Variants in TMTC3 observed in about 807,000 individuals in gnomAD.
TMTC3 encodes the protein protein O-mannosyl-transferase TMTC3.
TMTC3 carries 52 observed loss-of-function variants against 92.2 expected under a neutral mutation model. That is an observed-to-expected ratio of 0.56 (90% CI 0.45 to 0.71). TMTC3 has a LOEUF of 0.71. TMTC3 is among the 30% of genes least tolerant of loss of function. TMTC3 has a pLI of 0.00. For synonymous variants in TMTC3, 339 were observed against 363.3 expected (o/e 0.93, Z 0.76); for missense variants, 896 against 1,057.1 (o/e 0.85, Z 2.11).
At chr12:88,179,109 T>G (rs1191552318) in intron 10 of TMTC3, among the ~76,000 whole-genome samples, 4 of 152,204 alleles carry the variant, frequency 2.6e-5, no homozygotes, top group Admixed American at 1.3e-4. Flanking sequence ...AGCCATGAGA[T>G]AGGAAAACAA....
At chr12:88,160,957 A>C (rs1260736940) in intron 6 of TMTC3, 106 bp downstream of exon 6, 15 of 1,163,234 alleles carry the variant, frequency 1.3e-5, no homozygotes, top group Non-Finnish European at 1.7e-5. Flanking sequence ...TAACAGTTTT[A>C]TTAAGCTATA....
Position 88,188,940 on chromosome 12 carries a change from G to A in TMTC3, c.1530G>A (p.Met510Ile). 1 of 1,577,508 alleles carries A rather than the reference G, an allele frequency of 6.3e-7. No homozygotes were observed. The highest frequency in any genetic ancestry group is 8.7e-7 in the Non-Finnish European group (1 of 1,154,704). Residue 510 changes from methionine (M) to isoleucine (I), a missense_variant, in exon 11 of 14, where the codon ATG becomes ATA. Physicochemically the swap from Met to Ile is conservative, Grantham distance 10 (BLOSUM62 1). Coordinates refer to ENST00000266712, the MANE Select transcript of TMTC3 (RefSeq NM_181783.4). Reference protein sequence around the residue: ...EESYMMAKSLMPQIIPGKKYA... With the variant: ...EESYMMAKSLIPQIIPGKKYA... The stretch of plus-strand genomic sequence containing the variant: ...CTTACATGATGGCTAAATCACTGAT[G>A]CCTCAAGTAAGTTGCCATAATTTAT...
chr12:88,157,849 A>G (rs1431250128), intron 4 of TMTC3, among the ~76,000 whole-genome samples: 2 of 152,180 alleles, frequency 1.3e-5, no homozygotes, highest in African/African-American at 2.4e-5. Flanking sequence ...ATATAGTAAT[A>G]TAGTCACTAG....
chr12:88,142,567 G>A (rs576438858), intron 1 of TMTC3, 80 bp downstream of exon 1: 1 of 152,542 alleles, frequency 6.6e-6, no homozygotes, highest in South Asian at 2.1e-4. Flanking sequence ...TGCTATTGGG[G>A]CCGTAGGGCC....
At position 88,148,143 on chromosome 12, in the gene TMTC3, C is replaced by T. The variant is rs2468227; in HGVS notation, c.-28-145C>T. 0.94 allele frequency: 508,232 copies of T among 539,936 alleles called. 239,538 individuals carry two copies. Among genetic ancestry groups the T allele is most frequent in the East Asian group, 0.99 (32,849 of 33,068 alleles). 33.4% of individuals were successfully genotyped at this position (539,936 alleles called of 1,614,324 possible). A position where few individuals can be genotyped will look rare whatever the true frequency, so the allele number is the denominator to read the frequency against. On this transcript the variant is annotated intron_variant, in intron 1 of 13. Transcript: ENST00000266712. ...ATGGGGCTGAGTTTCAACAATGTGA[C>T]TAGCTTATGCTTCTTAGAAGTGGAT...
At chr12:88,151,595 G>A (rs181720306) in intron 2 of TMTC3, among the ~76,000 whole-genome samples, 140 of 152,186 alleles carry the variant, frequency 9.2e-4, no homozygotes, top group African/African-American at 3.1e-3. Context: ...TTAATAATTG[G>A]TCTGTCTGTT....
At chr12:88,164,320 G>T (rs1057400631) in intron 6 of TMTC3, among the ~76,000 whole-genome samples, 5 of 150,612 alleles carry the variant, frequency 3.3e-5, no homozygotes, top group African/African-American at 1.2e-4. Flanking sequence ...TCTAGCCCCC[G>T]CACTCCTAGG....
intron 9 of TMTC3, among the ~76,000 whole-genome samples, chr12:88,175,352 T>G (rs759183186): frequency 3.9e-5 from 6 of 152,190 alleles, no homozygotes; most frequent in Non-Finnish European, 8.8e-5. Flanking sequence ...CGCAAAGATT[T>G]TTTCAAGCTC....
chr12:88,196,541 CTGGATTTTAATTTTT>C lies in TMTC3; in HGVS notation c.*894_*908del, dbSNP rs990892496. 1 of 151,696 alleles carries C rather than the reference CTGGATTTTAATTTTT, an allele frequency of 6.6e-6. No homozygotes were observed. Among genetic ancestry groups the C allele is most frequent in the African/African-American group, 2.4e-5 (1 of 41,350 alleles). The allele number at this position is 151,696 out of a possible 1,614,324, so 9.4% of individuals were successfully genotyped here. A position where few individuals can be genotyped will look rare whatever the true frequency, so the allele number is the denominator to read the frequency against. On this transcript the variant is annotated 3_prime_UTR_variant, in exon 14 of 14. Transcript: ENST00000266712. ...TTTGTGTTAGCTCTGTAGTCTTAAC[CTGGATTTTAATTTTT>C]TTGTTTCCAAAGTCACAATTGAATT...
At chr12:88,174,095 T>C (rs2041233609) in intron 8 of TMTC3, among the ~76,000 whole-genome samples, 2 of 152,142 alleles carry the variant, frequency 1.3e-5, no homozygotes, top group Non-Finnish European at 2.9e-5. Context: ...GTATAAGTAA[T>C]TTGCCTCTGT....
At chr12:88,163,341 C>T (rs1447070925) in intron 6 of TMTC3, among the ~76,000 whole-genome samples, 2 of 152,172 alleles carry the variant, frequency 1.3e-5, no homozygotes, top group Admixed American at 6.5e-5. Context: ...CGAAGATTTC[C>T]ACACTGTCTG....
intron 2 of TMTC3, among the ~76,000 whole-genome samples, chr12:88,149,349 T>C (rs2040913542): frequency 6.6e-6 from 1 of 152,194 alleles, no homozygotes; most frequent in Non-Finnish European, 1.5e-5. Flanking sequence ...TGTCATATAT[T>C]AACTGTGTGA....
chr12:88,150,709 C>T (rs916814011), intron 2 of TMTC3, among the ~76,000 whole-genome samples: 1 of 152,058 alleles, frequency 6.6e-6, no homozygotes, highest in Non-Finnish European at 1.5e-5. Flanking sequence ...CCTTAGGTGT[C>T]ATAGGTTTCA....
chr12:88,155,360 G>T (rs986453851), intron 4 of TMTC3, among the ~76,000 whole-genome samples: 15 of 152,166 alleles, frequency 9.9e-5, no homozygotes, highest in African/African-American at 3.6e-4. Context: ...AGGTACTTTT[G>T]TAACTAATAT....
At chr12:88,180,386 G>C (rs2041304194) in intron 10 of TMTC3, among the ~76,000 whole-genome samples, 1 of 152,152 alleles carries the variant, frequency 6.6e-6, no homozygotes, top group Non-Finnish European at 1.5e-5. Flanking sequence ...GTCTGCCCAG[G>C]TAACAGGGTG....
In TMTC3 at chr12:88,160,201, G is replaced by T. The variant is rs191776727; in HGVS notation, c.596G>T (p.Cys199Phe). ...EQGITVVGIC[C>F]VYEVFIAQGY... ...GGAATAACAGTTGTAGGAATTTGCT[G>T]TGTGTATGAAGTGTTTATTGCCCAG... Residue 199 changes from cysteine to phenylalanine, a missense_variant, in exon 5 of 14, where the codon TGT becomes TTT. Physicochemically the swap from Cys to Phe is radical, Grantham distance 205. Coordinates refer to ENST00000266712, the MANE Select transcript of TMTC3 (RefSeq NM_181783.4). The T allele has an allele frequency of 1.9e-6, 3 of 1,587,496 alleles. No homozygotes were observed.
Position 88,198,087 on chromosome 12 carries a change from G to GA in TMTC3, c.*2441dup, listed in dbSNP as rs780960173. ...TTCTAATAACTAGCATTTATTACAT[G>GA]AAATTTAAGAGTTTAAGTTCCATCA... On this transcript the variant is annotated 3_prime_UTR_variant, in exon 14 of 14. Coordinates refer to ENST00000266712, the MANE Select transcript of TMTC3 (RefSeq NM_181783.4). 2.9e-4 allele frequency: 108 copies of GA among 373,276 alleles called. 1 individual carries two copies. The highest frequency in any genetic ancestry group is 2.7e-3 in the Admixed American group (60 of 22,102). 23.1% of individuals were successfully genotyped at this position (373,276 alleles called of 1,614,324 possible). A position where few individuals can be genotyped will look rare whatever the true frequency, so the allele number is the denominator to read the frequency against.
intron 5 of TMTC3, 82 bp downstream of exon 5, chr12:88,160,311 C>T (rs2041061579): frequency 2.7e-6 from 2 of 748,174 alleles, no homozygotes. Flanking sequence ...TTTTTATTTT[C>T]TAAATGTATC....
At position 88,193,004 on chromosome 12, in the gene TMTC3, C is replaced by T. The variant is rs191756545; in HGVS notation, c.1933+174C>T. Among the ~76,000 whole-genome samples, 1,324 of 152,216 alleles carry T rather than the reference C, an allele frequency of 8.7e-3. 15 individuals are homozygous for T. The highest frequency in any genetic ancestry group is 0.03 in the African/African-American group (1,252 of 41,552). Reference sequence around the variant, plus strand: ...TAAAATACTTGAAGTAAACTATTTTCAAGTAACATGCATTCTAACATATGA... The same window carrying T: ...TAAAATACTTGAAGTAAACTATTTTTAAGTAACATGCATTCTAACATATGA... On this transcript the variant is annotated intron_variant, in intron 13 of 13. Transcript: ENST00000266712.
Sources: allele counts gnomAD v4.1 joint callset (sites outside exome capture counted in the v4.1 genomes callset), GRCh38; gene constraint gnomAD v4.1.1; transcripts MANE v1.5; gene names NCBI Gene and HGNC (gene_info 2026-07-23, HGNC 2026-07-21).